The following ZBTB1 variants were observed in gnomAD, a reference collection of about 807,000 sequenced individuals.
The protein encoded by ZBTB1 is zinc finger and BTB domain containing 1, also known as zinc finger and BTB domain-containing protein 1.
Under a neutral mutation model 51.6 loss-of-function variants are expected in ZBTB1, and 13 were observed. That is an observed-to-expected ratio of 0.25 (90% CI 0.16 to 0.40). The LOEUF is 0.40. Among genes scored for constraint, ZBTB1 ranks in the 10% least tolerant of loss-of-function variants. ZBTB1 has a pLI of 1.00. For missense variants in ZBTB1, 567 were observed against 856.5 expected (o/e 0.66, Z 4.22); for synonymous variants, 240 against 282.2 (o/e 0.85, Z 1.50).
At chr14:64,514,509 C>T (rs2079759742) in intron 1 of ZBTB1, 1 of 152,174 alleles carries the variant, frequency 6.6e-6, no homozygotes, top group Non-Finnish European at 1.5e-5. Flanking sequence ...AAGGCTGGAG[C>T]AAGAGAAACT....
intron 2 of ZBTB1, among the ~76,000 whole-genome samples, chr14:64,530,017 C>T (rs2079931440): frequency 6.6e-6 from 1 of 152,136 alleles, no homozygotes; most frequent in Non-Finnish European, 1.5e-5. Context: ...GGAAATGACA[C>T]ATAGCTGCAT....
rs928316148 is a variant in ZBTB1 at position 64,504,877 on chromosome 14, C to T, written c.-88C>T. ...CAGCTCGCGGCCCCTTCGCCTTCGC[C>T]CGCCTTTCCCGCGGCTGATTTGCCT... On this transcript the variant is annotated 5_prime_UTR_variant, in exon 1 of 2. Transcript: ENST00000683701. The T allele has an allele frequency of 1.3e-5, 5 of 396,854 alleles. No individual in the cohort carries two copies. Among genetic ancestry groups the T allele is most frequent in the Admixed American group, 4.4e-5 (1 of 22,594 alleles). The allele number at this position is 396,854 out of a possible 1,614,324, so 24.6% of individuals were successfully genotyped here.
Position 64,523,214 on chromosome 14 carries a change from T to C in ZBTB1, c.1710T>C (p.Asn570=). Residue 570 remains asparagine (N), a synonymous_variant, in exon 2 of 2, where the codon AAT becomes AAC. Transcript: ENST00000683701. The surrounding 1 kb of genome is among the most constrained non-coding windows in gnomAD (Gnocchi z 4.5). The part of the protein sequence containing the change: ...DMFKSAIMEE[N]ERDHRRKHFC... The stretch of plus-strand genomic sequence containing the variant: ...TTAAGAGTGCCATCATGGAAGAAAA[T>C]GAAAGAGATCACAGACGAAAGCATT... 1 of 1,614,022 alleles carries C rather than the reference T, an allele frequency of 6.2e-7. No homozygotes were observed. The highest frequency in any genetic ancestry group is 8.5e-7 in the Non-Finnish European group (1 of 1,179,982).
exon 3 of ZBTB1, chr14:64,533,153 A>C (rs756469739): frequency 2.6e-5 from 4 of 152,148 alleles, no homozygotes; most frequent in Admixed American, 1.3e-4. Flanking sequence ...CATTCTAATA[A>C]TTAGACTAAG....
Position 64,523,499 on chromosome 14 carries a change from G to A in ZBTB1, c.1995G>A (p.Gln665=), listed in dbSNP as rs761361312. 6.2e-7 allele frequency: 1 copy of A among 1,609,882 alleles called. No individual in the cohort carries two copies. Among genetic ancestry groups the A allele is most frequent in the East Asian group, 2.2e-5 (1 of 44,626 alleles). Residue 665 remains glutamine (Q), a synonymous_variant, in exon 2 of 2, where the codon CAG becomes CAA. Coordinates refer to ENST00000683701, the MANE Select transcript of ZBTB1 (RefSeq NM_001123329.2). This position sits in a 1 kb window ranked among gnomAD's most constrained non-coding sequence, Gnocchi z 4.5. The part of the protein sequence containing the change: ...SHLSAGETIC[Q]VCFQIFPNNE... ...TATCTGCTGGTGAGACTATATGCCAGGTCTGCTTTCAGATATTCCCAAATA... is the reference window on the plus strand; with the variant it reads ...TATCTGCTGGTGAGACTATATGCCAAGTCTGCTTTCAGATATTCCCAAATA...
At chr14:64,504,496 G>A (rs2079604652), upstream of ZBTB1, 1 of 161,372 alleles carries the variant, frequency 6.2e-6, no homozygotes, top group Non-Finnish European at 1.3e-5. Flanking sequence ...CCCTTGAGAG[G>A]GGCAAGAGGG....
chr14:64,525,185 G>A (rs1341996631), downstream of ZBTB1, among the ~76,000 whole-genome samples: 1 of 152,188 alleles, frequency 6.6e-6, no homozygotes, highest in Non-Finnish European at 1.5e-5. Flanking sequence ...TTAGTTGAAA[G>A]CATTAGAGCA....
At chr14:64,521,357 T>G in intron 1 of ZBTB1, 130 bp from the exon 2 acceptor site, 1 of 669,236 alleles carries the variant, frequency 1.5e-6, no homozygotes, top group Non-Finnish European at 2.4e-6. Flanking sequence ...TATTGAGTTT[T>G]ATTAGAATGG....
At chr14:64,510,823 C>G (rs1465365899) in intron 1 of ZBTB1, among the ~76,000 whole-genome samples, 1 of 152,144 alleles carries the variant, frequency 6.6e-6, no homozygotes, top group Non-Finnish European at 1.5e-5. Flanking sequence ...ATCTTCAAAA[C>G]AGCATTGCTC....
intron 1 of ZBTB1, among the ~76,000 whole-genome samples, chr14:64,513,280 G>C (rs1182688939): frequency 1.3e-5 from 2 of 152,020 alleles, no homozygotes; most frequent in African/African-American, 4.8e-5. Flanking sequence ...ATCTGTGAGA[G>C]ATATATATAC....
At chr14:64,512,546 A>T (rs771631555) in intron 1 of ZBTB1, among the ~76,000 whole-genome samples, 1 of 152,214 alleles carries the variant, frequency 6.6e-6, no homozygotes, top group African/African-American at 2.4e-5. Context: ...AAACTAAGCC[A>T]CCATTTATAT....
intron 1 of ZBTB1, among the ~76,000 whole-genome samples, chr14:64,509,316 A>G (rs2079698735): frequency 6.6e-6 from 1 of 152,180 alleles, no homozygotes; most frequent in African/African-American, 2.4e-5. Flanking sequence ...GGTTGCAGTG[A>G]GCCGAAATTG....
chr14:64,530,440 T>C (rs529065377), intron 2 of ZBTB1, among the ~76,000 whole-genome samples: 3 of 152,162 alleles, frequency 2.0e-5, no homozygotes, highest in East Asian at 1.9e-4. Context: ...GAAACCTCTC[T>C]ACTAAAAATA....
In ZBTB1 at chr14:64,521,945, T is replaced by C. The variant is rs747947004; in HGVS notation, c.441T>C (p.Asp147=). Residue 147 remains aspartate, a synonymous_variant, in exon 2 of 2, where the codon GAT becomes GAC. Transcript: ENST00000683701. The part of the protein sequence containing the change: ...KMIFGVRMYE[D]TVARNGNEAN... ...TATTTGGGGTAAGAATGTATGAAGA[T>C]ACTGTGGCTCGAAATGGCAATGAAG... The C allele has an allele frequency of 8.1e-6, 13 of 1,614,234 alleles. No homozygotes were observed. In the East Asian group the frequency reaches 2.7e-4, roughly 33 times the overall value.
chr14:64,530,600 CAA>C (rs568731383), intron 2 of ZBTB1, among the ~76,000 whole-genome samples: 1 of 124,972 alleles, frequency 8.0e-6, no homozygotes. Flanking sequence ...GACTCCGTCT[CAA>C]AAAAAAAAAA....
At position 64,521,744 on chromosome 14, in the gene ZBTB1, G is replaced by A. The variant is rs1404043212; in HGVS notation, c.240G>A (p.Gln80=). ...ISAECFDLIL[Q]FMYLGKIMTA... Reference sequence around the variant, plus strand: ...CAGAATGTTTTGATCTCATTTTGCAGTTTATGTATTTAGGAAAAATTATGA... The same window carrying A: ...CAGAATGTTTTGATCTCATTTTGCAATTTATGTATTTAGGAAAAATTATGA... The change falls in exon 2 of 2, where the codon CAG becomes CAA. Residue 80 remains glutamine, a synonymous_variant. Coordinates refer to ENST00000683701, the MANE Select transcript of ZBTB1 (RefSeq NM_001123329.2). The A allele has an allele frequency of 1.2e-6, 2 of 1,613,340 alleles. No homozygotes were observed. The highest frequency in any genetic ancestry group is 1.7e-6 in the Non-Finnish European group (2 of 1,180,040).
At chr14:64,531,448 T>C (rs923308567) in intron 2 of ZBTB1, among the ~76,000 whole-genome samples, 2 of 152,146 alleles carry the variant, frequency 1.3e-5, no homozygotes, top group African/African-American at 4.8e-5. Flanking sequence ...GTAAAAAGAA[T>C]ATGAACTTTA....
At chr14:64,510,613 A>G (rs947012874) in intron 1 of ZBTB1, among the ~76,000 whole-genome samples, 4 of 152,124 alleles carry the variant, frequency 2.6e-5, no homozygotes, top group Admixed American at 2.6e-4. Context: ...ATGTGTGTGG[A>G]GGAGGGTGAA....
chr14:64,517,774 TATATATA>T (rs149056266), intron 1 of ZBTB1, among the ~76,000 whole-genome samples: 164 of 80,866 alleles, frequency 2.0e-3, no homozygotes, highest in East Asian at 0.015. Context: ...TATATATATA[TATATATA>T]TTTTTTTTTT....
Sources: gnomAD v4.1 joint callset for allele counts (sites outside exome capture counted in the v4.1 genomes callset) on GRCh38, gnomAD v4.1.1 for gene constraint, Gnocchi (gnomAD v3.1) non-coding constraint, MANE v1.5 for transcripts, NCBI Gene and HGNC (gene_info 2026-07-23, HGNC 2026-07-21) for gene names.